Variants in FBXL17 observed in about 807,000 individuals in gnomAD.
The protein encoded by FBXL17 is F-box and leucine rich repeat protein 17, also known as F-box/LRR-repeat protein 17.
A neutral mutation model predicts 66.2 loss-of-function variants in FBXL17; 22 were observed. The observed-to-expected ratio is 0.33, with a 90% confidence interval of 0.24 to 0.47. The LOEUF is 0.47. Ranked by LOEUF, FBXL17 falls within the 20% of genes least tolerant of loss-of-function variation. The pLI, the probability that FBXL17 is intolerant of heterozygous loss-of-function variation, is 1.00. For synonymous variants in FBXL17, 474 were observed against 400.5 expected (o/e 1.18, Z -2.19); for missense variants, 878 against 948.2 (o/e 0.93, Z 0.97).
intron 4 of FBXL17, among the ~76,000 whole-genome samples, chr5:108,283,915 G>T (rs1757798303): frequency 6.6e-6 from 1 of 151,852 alleles, no homozygotes; most frequent in African/African-American, 2.4e-5. Flanking sequence ...AAATAAAAAT[G>T]GCCAACAGGT....
chr5:108,227,275 G>T (rs1475813850), intron 4 of FBXL17, among the ~76,000 whole-genome samples: 6 of 152,112 alleles, frequency 3.9e-5, no homozygotes, highest in Non-Finnish European at 5.9e-5. Context: ...CACTGACAGT[G>T]TTTTGTATTT....
intron 8 of FBXL17, among the ~76,000 whole-genome samples, chr5:107,870,691 T>C (rs1748416229): frequency 6.6e-6 from 1 of 151,806 alleles, no homozygotes; most frequent in South Asian, 2.1e-4. Context: ...GTCCAAGTGA[T>C]TCTCCTGCCT....
At chr5:108,294,245 AATAT>A (rs952279936) in intron 4 of FBXL17, among the ~76,000 whole-genome samples, 1 of 136,296 alleles carries the variant, frequency 7.3e-6, no homozygotes, top group Admixed American at 7.8e-5. Context: ...ATTCTTACTG[AATAT>A]ATATATATTC....
At chr5:108,181,069 G>T (rs1055176910) in intron 6 of FBXL17, among the ~76,000 whole-genome samples, 3 of 152,002 alleles carry the variant, frequency 2.0e-5, no homozygotes, top group African/African-American at 7.2e-5. Flanking sequence ...AAGAATAAAA[G>T]AACCATTATA....
intron 6 of FBXL17, among the ~76,000 whole-genome samples, chr5:108,128,476 A>G (rs1297164975): frequency 2.6e-5 from 4 of 152,162 alleles, no homozygotes; most frequent in African/African-American, 9.7e-5. Context: ...ATTACAAAAG[A>G]AGGTTATAAA....
chr5:108,333,098 C>CT (rs1760206832), intron 4 of FBXL17, among the ~76,000 whole-genome samples: 1 of 135,474 alleles, frequency 7.4e-6, no homozygotes, highest in Non-Finnish European at 1.5e-5. Context: ...CGAAGCAAAA[C>CT]ATACAATAAT....
At chr5:108,133,282 CT>C (rs922842792) in intron 6 of FBXL17, among the ~76,000 whole-genome samples, 1 of 151,788 alleles carries the variant, frequency 6.6e-6, no homozygotes, top group South Asian at 2.1e-4. Flanking sequence ...AAGTTTGGCT[CT>C]TTTTTTTCTT....
chr5:107,895,976 G>A (rs1052245085), intron 7 of FBXL17, among the ~76,000 whole-genome samples: 11 of 152,244 alleles, frequency 7.2e-5, no homozygotes, highest in African/African-American at 2.6e-4. Context: ...GAGGCAAGGT[G>A]ACAGACAATG....
At chr5:108,243,024 A>C (rs1755930639) in intron 4 of FBXL17, among the ~76,000 whole-genome samples, 1 of 152,222 alleles carries the variant, frequency 6.6e-6, no homozygotes, top group Non-Finnish European at 1.5e-5. Context: ...ATTAGCATCC[A>C]ACGAGAATCT....
chr5:107,900,969 C>A (rs1191370123), intron 7 of FBXL17, among the ~76,000 whole-genome samples: 3 of 152,082 alleles, frequency 2.0e-5, no homozygotes, highest in Non-Finnish European at 4.4e-5. Context: ...ACTGTCTGCT[C>A]ATAATGGAGG....
At chr5:108,252,679 T>G (rs1756407144) in intron 4 of FBXL17, among the ~76,000 whole-genome samples, 1 of 152,074 alleles carries the variant, frequency 6.6e-6, no homozygotes, top group African/African-American at 2.4e-5. Flanking sequence ...GAAAGATACA[T>G]GAACACATAT....
chr5:108,113,705 A>G (rs1750130469), intron 6 of FBXL17, among the ~76,000 whole-genome samples: 2 of 152,106 alleles, frequency 1.3e-5, no homozygotes, highest in Non-Finnish European at 2.9e-5. Flanking sequence ...TTTTAGGTAT[A>G]CCTAAATTGG....
intron 5 of FBXL17, among the ~76,000 whole-genome samples, chr5:108,217,689 T>C (rs1307977641): frequency 6.6e-6 from 1 of 152,230 alleles, no homozygotes; most frequent in African/African-American, 2.4e-5. Flanking sequence ...GTCTATAGTC[T>C]ATAGTCTATG....
intron 5 of FBXL17, among the ~76,000 whole-genome samples, chr5:108,212,915 A>G (rs1341517555): frequency 2.6e-5 from 4 of 152,020 alleles, no homozygotes; most frequent in African/African-American, 9.7e-5. Context: ...TTCACCCACA[A>G]TTGCTCCTTT....
At chr5:108,177,063 C>T (rs916490053) in intron 6 of FBXL17, among the ~76,000 whole-genome samples, 4 of 152,094 alleles carry the variant, frequency 2.6e-5, no homozygotes, top group African/African-American at 7.2e-5. Context: ...CAGTAGTCTC[C>T]TTTAATCTGC....
chr5:108,325,305 A>G (rs1759799063), intron 4 of FBXL17, among the ~76,000 whole-genome samples: 1 of 152,164 alleles, frequency 6.6e-6, no homozygotes, highest in Non-Finnish European at 1.5e-5. Context: ...AAGAGTGATC[A>G]ACCAAGAAGT....
At chr5:108,235,603 T>G (rs1017989669) in intron 4 of FBXL17, among the ~76,000 whole-genome samples, 2 of 152,230 alleles carry the variant, frequency 1.3e-5, no homozygotes, top group African/African-American at 4.8e-5. Context: ...CATGTCAGTC[T>G]GCTATTCAAA....
intron 7 of FBXL17, among the ~76,000 whole-genome samples, chr5:108,002,685 A>C (rs1753781979): frequency 6.6e-6 from 1 of 152,218 alleles, no homozygotes; most frequent in Non-Finnish European, 1.5e-5. Flanking sequence ...AAAATGGAAT[A>C]CTATTTAGCA....
At chr5:108,233,364 A>C (rs1257831238) in intron 4 of FBXL17, among the ~76,000 whole-genome samples, 1 of 152,186 alleles carries the variant, frequency 6.6e-6, no homozygotes, top group Non-Finnish European at 1.5e-5. Flanking sequence ...GATACACTAT[A>C]GAGGAATTTT....
Sources: gnomAD v4.1 joint callset for allele counts (sites outside exome capture counted in the v4.1 genomes callset) on GRCh38, gnomAD v4.1.1 for gene constraint, MANE v1.5 for transcripts, NCBI Gene and HGNC (gene_info 2026-07-23, HGNC 2026-07-21) for gene names.